Variants in METTL27 observed in about 807,000 individuals in gnomAD.
METTL27 encodes methyltransferase like 27.
METTL27 carries 29 observed loss-of-function variants against 24.5 expected under a neutral mutation model. The ratio of observed to expected loss-of-function variants is 1.18; its 90% confidence interval spans 0.88 to 1.61. The LOEUF (loss-of-function observed/expected upper bound fraction) is 1.61. Ranked by LOEUF, METTL27 falls within the 40% of genes most tolerant of loss-of-function variation. METTL27 has a pLI of 0.00. For missense variants in METTL27, 341 were observed against 324.3 expected (o/e 1.05, Z -0.40); for synonymous variants, 138 against 146.8 (o/e 0.94, Z 0.43).
At chr7:73,840,615 C>G (rs1261374654) in intron 3 of METTL27, 66 bp from the exon 4 acceptor site, 1 of 1,515,096 alleles carries the variant, frequency 6.6e-7, no homozygotes, top group Non-Finnish European at 8.8e-7. Context: ...GTCCCTGCAC[C>G]TTGGCAGGGC....
At position 73,834,752 on chromosome 7, in the gene METTL27, C is replaced by T. The variant is rs1356943836; in HGVS notation, c.729G>A (p.Leu243=). The part of the protein sequence containing the change: ...TCTESGRRPR[L]RK ...GGCTGGGGGCTGGATCTCACTTCCT[C>T]AACCTGGGTCGCCTTCCACTTTCGG... Residue 243 remains leucine, a synonymous_variant, in exon 6 of 6, where the codon TTG becomes TTA. Coordinates refer to ENST00000297873, the MANE Select transcript of METTL27 (RefSeq NM_152559.3). 1 of 1,613,714 alleles carries T rather than the reference C, an allele frequency of 6.2e-7. No homozygotes were observed. The highest frequency in any genetic ancestry group is 8.5e-7 in the Non-Finnish European group (1 of 1,179,870).
chr7:73,840,060 G>C lies in METTL27; in HGVS notation c.449C>G (p.Ala150Gly). Residue 150 changes from alanine to glycine, a missense_variant, in exon 5 of 6, where the codon GCG (alanine) becomes GGG (glycine). By Grantham distance (60) the Ala-to-Gly change is moderately conservative (BLOSUM62 0). Transcript: ENST00000297873. Reference sequence around the variant, plus strand: ...CTTGGTGACATGTAGCTCAGGTATCGCATTGCAGGGCACCTGGCCGTCACT... The same window carrying C: ...CTTGGTGACATGTAGCTCAGGTATCCCATTGCAGGGCACCTGGCCGTCACT... ...ALSDGQVPCN[A>G]IPELHVTKPG... 2 of 1,611,654 alleles carry C rather than the reference G, an allele frequency of 1.2e-6. No individual in the cohort carries two copies. Among genetic ancestry groups the C allele is most frequent in the East Asian group, 4.5e-5 (2 of 44,742 alleles).
intron 5 of METTL27, among the ~76,000 whole-genome samples, chr7:73,836,498 T>A (rs1554635289): frequency 3.9e-5 from 5 of 127,622 alleles, no homozygotes; most frequent in South Asian, 2.6e-4. Context: ...GGAGCCCCTC[T>A]GCCCGGCCAG....
chr7:73,835,668 C>G (rs1490259719), intron 5 of METTL27, among the ~76,000 whole-genome samples: 1 of 143,390 alleles, frequency 7.0e-6, no homozygotes, highest in Non-Finnish European at 1.5e-5. Flanking sequence ...CTCTGCCTGG[C>G]CGCCCATCAT....
chr7:73,836,418 C>G (rs1788198288), intron 5 of METTL27, among the ~76,000 whole-genome samples: 1 of 145,858 alleles, frequency 6.9e-6, no homozygotes, highest in African/African-American at 2.6e-5. Flanking sequence ...GGGTCAGCCC[C>G]CCGCCCGGCC....
At chr7:73,842,185 T>C in intron 1 of METTL27, 41 bp from the exon 2 acceptor site, 1 of 1,571,168 alleles carries the variant, frequency 6.4e-7, no homozygotes, top group South Asian at 1.1e-5. Context: ...TCCACCTCAA[T>C]CGCCCATCCC....
At chr7:73,836,420 C>T (rs1304479526) in intron 5 of METTL27, among the ~76,000 whole-genome samples, 23 of 143,746 alleles carry the variant, frequency 1.6e-4, no homozygotes, top group African/African-American at 3.9e-4. Flanking sequence ...GTCAGCCCCC[C>T]GCCCGGCCAG....
chr7:73,836,416 C>A (rs1554635266), intron 5 of METTL27, among the ~76,000 whole-genome samples: 2 of 145,814 alleles, frequency 1.4e-5, no homozygotes, highest in Non-Finnish European at 3.0e-5. Context: ...GGGGGTCAGC[C>A]CCCCGCCCGG....
At chr7:73,842,255 G>A (rs1788387657) in intron 1 of METTL27, 111 bp from the exon 2 acceptor site, 2 of 1,471,792 alleles carry the variant, frequency 1.4e-6, no homozygotes, top group African/African-American at 1.4e-5. Context: ...CTGCCAGCGC[G>A]ACCCCTATCC....
Position 73,841,102 on chromosome 7 carries a change from C to A in METTL27, c.220G>T (p.Val74Leu). 1 of 1,517,870 alleles carries A rather than the reference C, an allele frequency of 6.6e-7. No homozygotes were observed. The highest frequency in any genetic ancestry group is 8.7e-7 in the Non-Finnish European group (1 of 1,143,226). 94.0% of individuals were successfully genotyped at this position (1,517,870 alleles called of 1,614,324 possible). ...GPPHSALILD[V>L]ACGTGLVAAE... is the part of the protein sequence containing the mutation. ...GCCACTAGGCCTGTGCCACAGGCCACGTCCAGGATCAGGGCACTGTGGGGC... is the reference window on the plus strand; with the variant it reads ...GCCACTAGGCCTGTGCCACAGGCCAAGTCCAGGATCAGGGCACTGTGGGGC... The change falls in exon 3 of 6, where the codon GTG becomes TTG. Residue 74 changes from valine to leucine, a missense_variant. By Grantham distance (32) the Val-to-Leu change is conservative. Transcript: ENST00000297873.
chr7:73,840,142 TGG>T, intron 4 of METTL27, 22 bp from the exon 5 acceptor site: 1 of 892,124 alleles, frequency 1.1e-6, no homozygotes, highest in Non-Finnish European at 1.6e-6. Context: ...TGGGGGGGGG[TGG>T]GGACATGGTG....
At chr7:73,836,217 G>T (rs1178162359) in intron 5 of METTL27, among the ~76,000 whole-genome samples, 2 of 90,702 alleles carry the variant, frequency 2.2e-5, no homozygotes, top group East Asian at 3.7e-4. Context: ...CGCCCCGTCC[G>T]GGAGGGAGGT....
chr7:73,842,173 G>C lies in METTL27; in HGVS notation c.-4-29C>G, dbSNP rs782528957. The C allele has an allele frequency of 2.5e-6, 4 of 1,579,780 alleles. No individual in the cohort carries two copies. The African/African-American group carries it at 4.1e-5, about 16-fold the overall frequency. On this transcript the variant is annotated intron_variant, in intron 1 of 5. Transcript: ENST00000297873. ...TGGGGACACCGTTGCCCTGTCTCGAGGTCCACCTCAATCGCCCATCCCCTC... is the reference window on the plus strand; with the variant it reads ...TGGGGACACCGTTGCCCTGTCTCGACGTCCACCTCAATCGCCCATCCCCTC...
rs987227202 is a variant in METTL27, at chr7:73,840,394, G to T, written c.388+20C>A. ...TTCATGAGGGTGGGCCTCGGGGTGT[G>T]GAGGTGGGAGAGAAAGTACCTTCCG... On this transcript the variant is annotated intron_variant, in intron 4 of 5. Transcript: ENST00000297873. 3.0e-5 allele frequency: 47 copies of T among 1,559,636 alleles called. No homozygotes were observed. The highest frequency in any genetic ancestry group is 4.0e-5 in the Non-Finnish European group (46 of 1,152,086).
chr7:73,835,370 C>T (rs1014723489), intron 5 of METTL27, among the ~76,000 whole-genome samples: 3 of 144,610 alleles, frequency 2.1e-5, no homozygotes, highest in East Asian at 4.0e-4. Flanking sequence ...ATTGCAGACT[C>T]GCGCCGCCAC....
chr7:73,839,930 C>G, intron 5 of METTL27, 101 bp downstream of exon 5: 1 of 1,140,140 alleles, frequency 8.8e-7, no homozygotes, highest in South Asian at 1.7e-5. Context: ...GACGCTGCCC[C>G]TCGCTTAGCC....
chr7:73,834,629 G>A lies in METTL27; in HGVS notation c.*114C>T, dbSNP rs1281298091. 10 of 856,018 alleles carry A rather than the reference G, an allele frequency of 1.2e-5. No homozygotes were observed. In the East Asian group the frequency reaches 2.4e-4, roughly 20 times the overall value. 53.0% of individuals were successfully genotyped at this position (856,018 alleles called of 1,614,324 possible). A position where few individuals can be genotyped will look rare whatever the true frequency, so the allele number is the denominator to read the frequency against. On this transcript the variant is annotated 3_prime_UTR_variant, in exon 6 of 6. Coordinates refer to ENST00000297873, the MANE Select transcript of METTL27 (RefSeq NM_152559.3). ...ATTTAATAGGCAGGGCATTTCTGAG[G>A]GGCAGGGTTGGTTCGGAGGTCCCAT...
intron 3 of METTL27, 134 bp from the exon 4 acceptor site, chr7:73,840,683 A>C: frequency 7.7e-7 from 1 of 1,290,618 alleles, no homozygotes; most frequent in Non-Finnish European, 1.0e-6. Context: ...TTTTGAGACA[A>C]GGTCTCTCTC....
chr7:73,841,770 G>T (rs966457293), intron 2 of METTL27, among the ~76,000 whole-genome samples: 1 of 152,198 alleles, frequency 6.6e-6, no homozygotes, highest in Middle Eastern at 3.4e-3. Context: ...GTGAGCCACC[G>T]CGCCCGGCCC....
Sources: allele counts gnomAD v4.1 joint callset (sites outside exome capture counted in the v4.1 genomes callset), GRCh38; gene constraint gnomAD v4.1.1; transcripts MANE v1.5; gene names NCBI Gene and HGNC (gene_info 2026-07-23, HGNC 2026-07-21).